The following DCAF6 variants were observed in gnomAD, a reference collection of about 807,000 sequenced individuals.
DCAF6 encodes DDB1 and CUL4 associated factor 6, also known as DDB1- and CUL4-associated factor 6.
DCAF6 carries 54 observed loss-of-function variants against 125.1 expected under a neutral mutation model. The observed-to-expected ratio is 0.43, with a 90% CI of 0.35 to 0.54. DCAF6 has a LOEUF of 0.54. Ranked by LOEUF, DCAF6 falls within the 20% of genes least tolerant of loss-of-function variation. The pLI is 0.01. For missense variants in DCAF6, 934 were observed against 1,161.7 expected, an observed-to-expected ratio of 0.80 and a Z score of 2.85; for synonymous variants, 371 against 390.4, an observed-to-expected ratio of 0.95 and a Z score of 0.58.
At chr1:167,899,782 C>T in the DCAF6 span, among the ~76,000 whole-genome samples, 1 of 152,224 alleles carries the variant, frequency 6.6e-6, no homozygotes, top group Non-Finnish European at 1.5e-5. Context: ...TGGCATACCT[C>T]TTTTGGGCTC....
intron 3 of DCAF6, among the ~76,000 whole-genome samples, chr1:167,973,964 C>T (rs1189877847): frequency 6.6e-6 from 1 of 151,950 alleles, no homozygotes; most frequent in African/African-American, 2.4e-5. Flanking sequence ...TGCTAAATTC[C>T]CTTCCACTGG....
the DCAF6 span, among the ~76,000 whole-genome samples, chr1:167,918,585 T>C: frequency 6.9e-6 from 1 of 145,478 alleles, no homozygotes; most frequent in Non-Finnish European, 1.5e-5. Flanking sequence ...AGAGCACAAC[T>C]GCCAAAAACT....
At chr1:168,050,077 A>AC (rs1553247674) in intron 16 of DCAF6, among the ~76,000 whole-genome samples, 10 of 151,208 alleles carry the variant, frequency 6.6e-5, no homozygotes, top group Admixed American at 4.6e-4. Flanking sequence ...AAAAAAAAAA[A>AC]CAAGCATCTA....
intron 1 of DCAF6, among the ~76,000 whole-genome samples, chr1:167,943,905 C>A (rs935358584): frequency 6.7e-6 from 1 of 150,304 alleles, no homozygotes; most frequent in Non-Finnish European, 1.5e-5. Flanking sequence ...GTGGTGAGAT[C>A]TCGGCTTACT....
chr1:167,975,021 GTATTAT>G lies in DCAF6; in HGVS notation c.438+10_438+15del. 1 of 1,549,228 alleles carries G rather than the reference GTATTAT, an allele frequency of 6.5e-7. No individual in the cohort carries two copies. Among genetic ancestry groups the G allele is most frequent in the Non-Finnish European group, 8.7e-7 (1 of 1,146,140 alleles). ...ATTATGGAACTACTTATGAGGTATG[GTATTAT>G]TATGATTATATGATATATATGTAAG... On this transcript the variant is annotated splice_region_variant and intron_variant, in intron 4 of 21. Coordinates refer to ENST00000367840, the MANE Select transcript of DCAF6 (RefSeq NM_001198956.2).
the DCAF6 span, chr1:167,894,011 C>T: frequency 1.9e-6 from 2 of 1,032,732 alleles, no homozygotes; most frequent in Admixed American, 1.8e-5. Flanking sequence ...TGAGAGGAGG[C>T]TCCCAGTCCC....
chr1:167,904,688 T>G, the DCAF6 span: 2 of 592,034 alleles, frequency 3.4e-6, no homozygotes, highest in Non-Finnish European at 6.0e-6. Flanking sequence ...TTGACTGGGA[T>G]GTGTATGGGG....
At chr1:167,920,576 G>A in the DCAF6 span, 2 of 1,613,894 alleles carry the variant, frequency 1.2e-6, no homozygotes, top group African/African-American at 1.3e-5. Context: ...AGATTGAGCT[G>A]TGCTAAGTTT....
At chr1:167,885,511 T>A in the DCAF6 span, among the ~76,000 whole-genome samples, 1 of 152,272 alleles carries the variant, frequency 6.6e-6, no homozygotes, top group Admixed American at 6.5e-5. Context: ...AATCTTATTG[T>A]AGTTTTGATT....
chr1:168,019,481 C>G (rs950239683), intron 11 of DCAF6: 7 of 433,318 alleles, frequency 1.6e-5, no homozygotes, highest in African/African-American at 6.1e-5. Context: ...ATGTCCTAAA[C>G]AGGTATGGCA....
chr1:168,043,130 C>T lies in DCAF6; in HGVS notation c.1833C>T (p.Asp611=), dbSNP rs372938801. The T allele has an allele frequency of 5.6e-6, 9 of 1,611,480 alleles. No homozygotes were observed. Among genetic ancestry groups the T allele is most frequent in the African/African-American group, 1.3e-5 (1 of 74,812 alleles). ...PQSSVQPPEG[D]SETKAPEESS... Reference sequence around the variant, plus strand: ...GCTCAGTGCAACCACCAGAAGGAGACAGTGAAACAAGTAAGGTGTTATTTT... The same window carrying T: ...GCTCAGTGCAACCACCAGAAGGAGATAGTGAAACAAGTAAGGTGTTATTTT... The change falls in exon 14 of 22, where the codon GAC becomes GAT. Residue 611 remains aspartate, a synonymous_variant. Transcript: ENST00000367840.
intron 1 of DCAF6, among the ~76,000 whole-genome samples, chr1:167,946,497 G>C (rs907888422): frequency 1.3e-5 from 2 of 152,216 alleles, no homozygotes; most frequent in South Asian, 4.1e-4. Flanking sequence ...TATGATGTTA[G>C]TTACAGGTTT....
intron 17 of DCAF6, among the ~76,000 whole-genome samples, chr1:168,053,112 T>C (rs1025819814): frequency 1.5e-4 from 23 of 152,178 alleles, no homozygotes; most frequent in Admixed American, 1.4e-3. Flanking sequence ...ACTATCACCA[T>C]CATTTGGGTC....
intron 2 of DCAF6, among the ~76,000 whole-genome samples, chr1:167,957,006 A>G (rs1343060866): frequency 6.6e-6 from 1 of 152,088 alleles, no homozygotes; most frequent in Non-Finnish European, 1.5e-5. Flanking sequence ...TTTCTTGTAC[A>G]CTTAAAAAAT....
chr1:168,063,973 G>T, intron 18 of DCAF6: 12 of 329,098 alleles, frequency 3.6e-5, no homozygotes, highest in East Asian at 1.2e-4. Flanking sequence ...AAAAAATGCA[G>T]ATTAAAAAAA....
chr1:167,869,063 G>A, the DCAF6 span, among the ~76,000 whole-genome samples: 24 of 152,146 alleles, frequency 1.6e-4, no homozygotes, highest in Admixed American at 7.9e-4. Flanking sequence ...TCAAAGGCAA[G>A]TAGTTAAAGA....
At chr1:167,866,791 A>G in the DCAF6 span, among the ~76,000 whole-genome samples, 1 of 152,112 alleles carries the variant, frequency 6.6e-6, no homozygotes, top group East Asian at 1.9e-4. Context: ...AAAAAAAAAA[A>G]ATGGCAGTTG....
chr1:167,866,329 C>T, the DCAF6 span, among the ~76,000 whole-genome samples: 640 of 152,174 alleles, frequency 4.2e-3, 6 homozygotes, highest in African/African-American at 0.015. Flanking sequence ...CGAGGAATAC[C>T]AGATCAATTT....
intron 12 of DCAF6, among the ~76,000 whole-genome samples, chr1:168,032,948 A>G (rs1687289760): frequency 1.3e-5 from 2 of 152,156 alleles, no homozygotes; most frequent in Admixed American, 1.3e-4. Flanking sequence ...CCTTATTAGT[A>G]TTTGGATATT....
Sources: gnomAD v4.1 joint callset for allele counts (sites outside exome capture counted in the v4.1 genomes callset) on GRCh38, gnomAD v4.1.1 for gene constraint, MANE v1.5 for transcripts, NCBI Gene and HGNC (gene_info 2026-07-23, HGNC 2026-07-21) for gene names.